The following ATXN7L1 variants were observed in gnomAD, a reference collection of about 807,000 sequenced individuals.
ATXN7L1 encodes the protein ataxin 7 like 1.
A neutral mutation model predicts 70.8 loss-of-function variants in ATXN7L1; 15 were observed. That is an observed-to-expected ratio of 0.21 (90% confidence interval 0.14 to 0.33). The LOEUF (loss-of-function observed/expected upper bound fraction) is 0.33. Among genes scored for constraint, ATXN7L1 ranks in the 10% least tolerant of loss-of-function variants. The pLI, the probability that ATXN7L1 is intolerant of heterozygous loss-of-function variation, is 1.00. For synonymous variants in ATXN7L1, 440 were observed against 445.1 expected (o/e 0.99, Z 0.14); for missense variants, 975 against 1,097.1 (o/e 0.89, Z 1.57).
intron 3 of ATXN7L1, among the ~76,000 whole-genome samples, chr7:105,700,817 G>A (rs1157120824): frequency 2.6e-5 from 4 of 152,002 alleles, no homozygotes; most frequent in East Asian, 1.9e-4. Flanking sequence ...CAGTAGCTGC[G>A]ACTACAGGCG....
chr7:105,678,995 C>A, intron 3 of ATXN7L1: 2 of 881,088 alleles, frequency 2.3e-6, no homozygotes, highest in Non-Finnish European at 2.7e-6. Context: ...TGTTCCGTGA[C>A]CTGCGCCCAG....
intron 4 of ATXN7L1, among the ~76,000 whole-genome samples, chr7:105,656,992 G>C (rs1800753742): frequency 1.3e-5 from 2 of 152,234 alleles, no homozygotes; most frequent in Non-Finnish European, 2.9e-5. Flanking sequence ...CTCTAGAGTA[G>C]TGTTTTTATT....
At chr7:105,654,746 ATT>A (rs112303767) in intron 4 of ATXN7L1, among the ~76,000 whole-genome samples, 2 of 144,582 alleles carry the variant, frequency 1.4e-5, no homozygotes, top group African/African-American at 2.5e-5. Flanking sequence ...CCTTCAGGCC[ATT>A]TTTTTTTTTT....
chr7:105,784,163 A>G (rs1267745381), intron 3 of ATXN7L1, among the ~76,000 whole-genome samples: 1 of 152,102 alleles, frequency 6.6e-6, no homozygotes, highest in East Asian at 1.9e-4. Flanking sequence ...TGGTTTCACC[A>G]TGTTCCCCAG....
intron 7 of ATXN7L1, among the ~76,000 whole-genome samples, chr7:105,631,601 G>A (rs1796607745): frequency 6.6e-6 from 1 of 152,194 alleles, no homozygotes. Flanking sequence ...TGAGTAGCTG[G>A]GATCACAGGT....
intron 9 of ATXN7L1, among the ~76,000 whole-genome samples, chr7:105,619,155 T>TTTTTTTTTTTTTTTTTTG: frequency 8.2e-6 from 1 of 121,490 alleles, no homozygotes. Context: ...TTTTTTTTTT[T>TTTTTTTTTTTTTTTTTTG]TTTTTTTTTT....
intron 2 of ATXN7L1, chr7:105,820,131 A>C (rs1281019557): frequency 8.2e-6 from 1 of 122,590 alleles, no homozygotes; most frequent in African/African-American, 3.6e-5. Flanking sequence ...TTCCTCAAAA[A>C]AAAAAAAAAA....
chr7:105,745,805 A>G (rs1798525038), intron 3 of ATXN7L1, among the ~76,000 whole-genome samples: 2 of 152,198 alleles, frequency 1.3e-5, no homozygotes, highest in South Asian at 4.1e-4. Context: ...AGCTGCTCTA[A>G]TCCCATCTGT....
intron 3 of ATXN7L1, among the ~76,000 whole-genome samples, chr7:105,755,948 T>C (rs144027425): frequency 6.6e-6 from 1 of 152,282 alleles, no homozygotes; most frequent in East Asian, 1.9e-4. Flanking sequence ...CTGGTCTGCT[T>C]GTAGCCACCC....
rs1050105183 is a variant in ATXN7L1 at position 105,638,430 on chromosome 7, C to T, written c.1125G>A (p.Gly375=). ...GTTCTGGCCCAGAGCTCCCTGAAGA[C>T]CCTAGCAGAGAATCCTGTGCCGGCC... ...QSGPAQDSLL[G]SSGSSGPEPK... The change falls in exon 7 of 12, where the codon GGG becomes GGA. Residue 375 remains glycine (G), a synonymous_variant. Coordinates refer to ENST00000419735, the MANE Select transcript of ATXN7L1 (RefSeq NM_020725.2). 6.4e-7 allele frequency: 1 copy of T among 1,552,316 alleles called. No homozygotes were observed. The highest frequency in any genetic ancestry group is 8.7e-7 in the Non-Finnish European group (1 of 1,147,132).
At chr7:105,776,916 C>A (rs776850409) in intron 3 of ATXN7L1, among the ~76,000 whole-genome samples, 1 of 152,124 alleles carries the variant, frequency 6.6e-6, no homozygotes, top group African/African-American at 2.4e-5. Context: ...ATTATAGGCA[C>A]GTGCCACCAT....
intron 3 of ATXN7L1, among the ~76,000 whole-genome samples, chr7:105,703,306 A>G (rs1262461414): frequency 6.4e-5 from 2 of 31,080 alleles, no homozygotes; most frequent in Non-Finnish European, 9.9e-5. Context: ...ACTCCGTCTC[A>G]AAAAAAAAAA....
rs1797904203 is a variant in ATXN7L1 at position 105,740,767 on chromosome 7, TCA to T, written c.355+47835_355+47836del. 1.0e-4 allele frequency among the ~76,000 whole-genome samples: 11 copies of T among 107,796 alleles called. No individual in the cohort carries two copies. In the Admixed American group the frequency reaches 1.1e-3, roughly 10 times the overall value. 70.7% of individuals were successfully genotyped at this position (107,796 alleles called of 152,430 possible). On this transcript the variant is annotated intron_variant, in intron 3 of 11. Transcript: ENST00000419735. ...GCTGCTCAGTCAAAGGTGGCTCCAT[TCA>T]TTTTTTTTTTTTTTTAATGGAGTCT...
At position 105,777,617 on chromosome 7, in the gene ATXN7L1, T is replaced by C. The variant is rs190722973; in HGVS notation, c.355+10987A>G. Among the ~76,000 whole-genome samples the C allele has an allele frequency of 3.9e-5, 6 of 152,340 alleles. No individual in the cohort carries two copies. In the East Asian group the frequency reaches 1.2e-3, roughly 29 times the overall value. ...CTGTCAGCAAATTCTGTCAGCTACA[T>C]TTCCAAAATAGATCTCGAGTTTATC... On this transcript the variant is annotated intron_variant, in intron 3 of 11. Transcript: ENST00000419735.
intron 3 of ATXN7L1, among the ~76,000 whole-genome samples, chr7:105,675,625 A>G (rs1216440091): frequency 2.6e-5 from 4 of 152,104 alleles, no homozygotes; most frequent in Non-Finnish European, 5.9e-5. Context: ...CCCCATCTCA[A>G]AAAAAAGAAA....
At chr7:105,816,655 C>T (rs182061950) in intron 2 of ATXN7L1, among the ~76,000 whole-genome samples, 2 of 152,310 alleles carry the variant, frequency 1.3e-5, no homozygotes, top group Admixed American at 1.3e-4. Context: ...TGTTCCTGGC[C>T]CAAGTGGAGG....
chr7:105,660,984 T>A (rs1459174643), intron 4 of ATXN7L1, among the ~76,000 whole-genome samples: 1 of 152,198 alleles, frequency 6.6e-6, no homozygotes, highest in Non-Finnish European at 1.5e-5. Flanking sequence ...TGTACTGTGT[T>A]AGCTTATGTT....
rs1402118061 is a variant in ATXN7L1, at chr7:105,766,852, G to A, written c.355+21752C>T. Among the ~76,000 whole-genome samples the A allele has an allele frequency of 3.9e-5, 6 of 152,228 alleles. No individual in the cohort carries two copies. The South Asian group carries it at 6.2e-4, about 16-fold the overall frequency. On this transcript the variant is annotated intron_variant, in intron 3 of 11. Coordinates refer to ENST00000419735, the MANE Select transcript of ATXN7L1 (RefSeq NM_020725.2). The stretch of plus-strand genomic sequence containing the variant: ...CAGGGGGAACCAGCTTCCGTGCCAG[G>A]AGCCATCACTTCATCCCAGTCTAAG...
intron 3 of ATXN7L1, among the ~76,000 whole-genome samples, chr7:105,680,162 T>C (rs1171810929): frequency 3.9e-5 from 6 of 152,002 alleles, no homozygotes; most frequent in Admixed American, 3.9e-4. Context: ...TTTTGGACTG[T>C]GGGGAGACAG....
Sources: allele counts gnomAD v4.1 joint callset (sites outside exome capture counted in the v4.1 genomes callset), GRCh38; gene constraint gnomAD v4.1.1; transcripts MANE v1.5; gene names NCBI Gene and HGNC (gene_info 2026-07-23, HGNC 2026-07-21).